PJA2: variants seen among roughly 807,000 people sequenced by gnomAD.
PJA2 encodes the protein praja ring finger ubiquitin ligase 2, also known as E3 ubiquitin-protein ligase Praja-2.
Under a neutral mutation model 69.3 loss-of-function variants are expected in PJA2, and 25 were observed. That is an observed-to-expected ratio of 0.36 (90% confidence interval 0.26 to 0.50). The LOEUF (loss-of-function observed/expected upper bound fraction) is 0.50, where lower values mean the gene tolerates loss of function less well. Ranked by LOEUF, PJA2 falls within the 20% of genes least tolerant of loss-of-function variation. The pLI, the probability that PJA2 is intolerant of heterozygous loss-of-function variation, is 0.96. For synonymous variants in PJA2, 308 were observed against 277.8 expected, an observed-to-expected ratio of 1.11 and a Z score of -1.08; for missense variants, 809 against 830.2, an observed-to-expected ratio of 0.97 and a Z score of 0.31.
At chr5:109,357,085 G>A (rs1762425311) in intron 6 of PJA2, among the ~76,000 whole-genome samples, 1 of 152,082 alleles carries the variant, frequency 6.6e-6, no homozygotes, top group Non-Finnish European at 1.5e-5. Context: ...CCTCTCTGCA[G>A]GTAATTCCTA....
chr5:109,400,514 G>A (rs13166490), intron 1 of PJA2, among the ~76,000 whole-genome samples: 30 of 151,472 alleles, frequency 2.0e-4, no homozygotes, highest in Non-Finnish European at 3.5e-4. Flanking sequence ...GGGGTGTCGC[G>A]GGCAGTGGAA....
Position 109,379,172 on chromosome 5 carries a change from A to G in PJA2, c.315T>C (p.Cys105=), listed in dbSNP as rs1746979561. ...CAGTGGTTTGATTCAATGCTGAACC[A>G]CAAGTGGGAATTTCTGTTTCACTTT... The part of the protein sequence containing the change: ...FEKSETEIPT[C]GSALNQTTES... The change falls in exon 4 of 10, where the codon TGT becomes TGC. Residue 105 remains cysteine, a synonymous_variant. Coordinates refer to ENST00000361189, the MANE Select transcript of PJA2 (RefSeq NM_014819.5). 5.0e-6 allele frequency: 8 copies of G among 1,613,996 alleles called. No individual in the cohort carries two copies. The East Asian group carries it at 1.8e-4, about 36-fold the overall frequency.
In PJA2 at chr5:109,337,054, T is replaced by A. The variant is rs33730; in HGVS notation, c.*177A>T. 0.42 allele frequency: 190,582 copies of A among 456,582 alleles called. 44,532 individuals are homozygous for A. The highest frequency in any genetic ancestry group is 0.94 in the East Asian group (17,140 of 18,168). 28.3% of individuals were successfully genotyped at this position (456,582 alleles called of 1,614,324 possible). On this transcript the variant is annotated 3_prime_UTR_variant, in exon 10 of 10. Coordinates refer to ENST00000361189, the MANE Select transcript of PJA2 (RefSeq NM_014819.5). The stretch of plus-strand genomic sequence containing the variant: ...TGTCTCAACATTCAGCTTAAAAATG[T>A]TTAATACTTTCTGCAAACCTAAATT...
chr5:109,346,739 G>T (rs529284439), intron 7 of PJA2, among the ~76,000 whole-genome samples: 36 of 152,294 alleles, frequency 2.4e-4, no homozygotes, highest in African/African-American at 8.4e-4. Context: ...AATGGTGGTT[G>T]CCAGGGGCTG....
intron 5 of PJA2, among the ~76,000 whole-genome samples, chr5:109,363,797 T>A (rs1349552121): frequency 6.6e-6 from 1 of 152,078 alleles, no homozygotes; most frequent in Non-Finnish European, 1.5e-5. Context: ...CACAAATCAA[T>A]GGTACAGATC....
intron 6 of PJA2, among the ~76,000 whole-genome samples, chr5:109,359,868 T>A (rs574095687): frequency 6.6e-6 from 1 of 152,166 alleles, no homozygotes; most frequent in South Asian, 2.1e-4. Context: ...CTGTGTTATA[T>A]AACAAAATGG....
chr5:109,335,758 G>C lies in PJA2; in HGVS notation c.*1473C>G, dbSNP rs1761928925. Reference sequence around the variant, plus strand: ...TATACATCAGAGGGAAAACATGCTAGCTAATGCAACATTAAGGCCTGAATG... The same window carrying C: ...TATACATCAGAGGGAAAACATGCTACCTAATGCAACATTAAGGCCTGAATG... On this transcript the variant is annotated 3_prime_UTR_variant, in exon 10 of 10. Coordinates refer to ENST00000361189, the MANE Select transcript of PJA2 (RefSeq NM_014819.5). 6.6e-6 allele frequency: 1 copy of C among 152,580 alleles called. No individual in the cohort carries two copies. The highest frequency in any genetic ancestry group is 1.5e-5 in the Non-Finnish European group (1 of 68,016). 9.5% of individuals were successfully genotyped at this position (152,580 alleles called of 1,614,324 possible). A position where few individuals can be genotyped will look rare whatever the true frequency, so the allele number is the denominator to read the frequency against.
chr5:109,369,124 C>A (rs1448850968), intron 4 of PJA2, among the ~76,000 whole-genome samples: 1 of 152,170 alleles, frequency 6.6e-6, no homozygotes, highest in East Asian at 1.9e-4. Context: ...GCAGAAGCCA[C>A]TATGCTTCCT....
chr5:109,342,488 C>T (rs1762090009), intron 9 of PJA2, among the ~76,000 whole-genome samples: 7 of 131,982 alleles, frequency 5.3e-5, no homozygotes, highest in Admixed American at 1.4e-4. Context: ...GGGTCAGCCC[C>T]CCGCCCGGCC....
In PJA2 at chr5:109,340,141, T is replaced by C. The variant is rs555077620; in HGVS notation, c.2002-2785A>G. Among the ~76,000 whole-genome samples the C allele has an allele frequency of 3.3e-5, 5 of 152,364 alleles. No homozygotes were observed. The South Asian group carries it at 1.0e-3, about 32-fold the overall frequency. On this transcript the variant is annotated intron_variant, in intron 9 of 9. Transcript: ENST00000361189. The stretch of plus-strand genomic sequence containing the variant: ...TTGTAACTTGCACCATAAGTTTTTA[T>C]TTGTGATTTTGTTGTTAATAAAATA...
In PJA2 at chr5:109,334,828, C is replaced by T. The variant is rs1761910084; in HGVS notation, c.*2403G>A. 1 of 152,548 alleles carries T rather than the reference C, an allele frequency of 6.6e-6. No homozygotes were observed. The highest frequency in any genetic ancestry group is 6.5e-5 in the Admixed American group (1 of 15,276). The allele number at this position is 152,548 out of a possible 1,614,324, so 9.4% of individuals were successfully genotyped here. A position where few individuals can be genotyped will look rare whatever the true frequency, so the allele number is the denominator to read the frequency against. On this transcript the variant is annotated 3_prime_UTR_variant, in exon 10 of 10. Transcript: ENST00000361189. Reference sequence around the variant, plus strand: ...CATTTAGACCTGGGCTTTTGAAAAACTTGCATTCCATTTTAACAATTCGTA... The same window carrying T: ...CATTTAGACCTGGGCTTTTGAAAAATTTGCATTCCATTTTAACAATTCGTA...
At position 109,362,933 on chromosome 5, in the gene PJA2, G is replaced by T. The variant is rs1226814868; in HGVS notation, c.1559C>A (p.Ala520Asp). Reference sequence around the variant, plus strand: ...GAAAGCTGGCTGTGCAAATTCATTGGCAGGTTCATTTCCCTCATCACTGCT... The same window carrying T: ...GAAAGCTGGCTGTGCAAATTCATTGTCAGGTTCATTTCCCTCATCACTGCT... ...ESSSDEGNEPANEFAQPAFML... is the reference protein window; with the variant it reads ...ESSSDEGNEPDNEFAQPAFML... The change falls in exon 6 of 10, where the codon GCC (alanine) becomes GAC (aspartate). Residue 520 changes from alanine to aspartate, a missense_variant. Coordinates refer to ENST00000361189, the MANE Select transcript of PJA2 (RefSeq NM_014819.5). 3 of 1,613,768 alleles carry T rather than the reference G, an allele frequency of 1.9e-6. No homozygotes were observed. Among genetic ancestry groups the T allele is most frequent in the Non-Finnish European group, 1.7e-6 (2 of 1,179,772 alleles).
chr5:109,349,771 T>C (rs1338192174), intron 7 of PJA2, among the ~76,000 whole-genome samples: 1 of 152,194 alleles, frequency 6.6e-6, no homozygotes, highest in Non-Finnish European at 1.5e-5. Context: ...TATGCGCTTT[T>C]CCCATATTCT....
At chr5:109,341,606 G>A (rs1369466030) in intron 9 of PJA2, among the ~76,000 whole-genome samples, 1 of 124,612 alleles carries the variant, frequency 8.0e-6, no homozygotes, top group African/African-American at 3.0e-5. Flanking sequence ...AGGTGGGGGG[G>A]TCAGCCCCCC....
chr5:109,387,000 A>C (rs960264715), intron 1 of PJA2, among the ~76,000 whole-genome samples: 3 of 152,314 alleles, frequency 2.0e-5, no homozygotes, highest in African/African-American at 7.2e-5. Flanking sequence ...TACACGTCTC[A>C]AATACATCTT....
At chr5:109,389,044 T>C (rs1450260842) in intron 1 of PJA2, among the ~76,000 whole-genome samples, 1 of 152,194 alleles carries the variant, frequency 6.6e-6, no homozygotes, top group Non-Finnish European at 1.5e-5. Flanking sequence ...TCACAATACA[T>C]TAACCCTTTT....
intron 4 of PJA2, 34 bp downstream of exon 4, chr5:109,378,170 A>C: frequency 6.7e-7 from 1 of 1,488,648 alleles, no homozygotes; most frequent in Non-Finnish European, 9.2e-7. Context: ...TTCATTTACT[A>C]CACAATCGGA....
intron 9 of PJA2, among the ~76,000 whole-genome samples, chr5:109,343,871 G>A (rs777221445): frequency 5.9e-5 from 9 of 151,968 alleles, no homozygotes; most frequent in African/African-American, 1.7e-4. Flanking sequence ...TGAGGCAGGC[G>A]GATCACCTGA....
At chr5:109,344,028 C>T in intron 9 of PJA2, among the ~76,000 whole-genome samples, 162 bp downstream of exon 9, 1 of 142,646 alleles carries the variant, frequency 7.0e-6, no homozygotes, top group African/African-American at 2.7e-5. Context: ...ACCCTGGAGG[C>T]AGAGGTTGCA....
Sources: allele counts gnomAD v4.1 joint callset (sites outside exome capture counted in the v4.1 genomes callset), GRCh38; gene constraint gnomAD v4.1.1; transcripts MANE v1.5; gene names NCBI Gene and HGNC (gene_info 2026-07-23, HGNC 2026-07-21).